The following ARHGAP22 variants were observed in gnomAD, a reference collection of about 807,000 sequenced individuals.
ARHGAP22 encodes Rho GTPase activating protein 22, also known as rho GTPase-activating protein 22.
A neutral mutation model predicts 59.1 loss-of-function variants in ARHGAP22; 48 were observed. That is an observed-to-expected ratio of 0.81 (90% CI 0.64 to 1.03). ARHGAP22 has a LOEUF of 1.03. Among genes scored for constraint, ARHGAP22 ranks in the 50% least tolerant of loss-of-function variants. The pLI, the probability that ARHGAP22 is intolerant of heterozygous loss-of-function variation, is 0.00. For missense variants in ARHGAP22, 1,015 were observed against 958.7 expected, an observed-to-expected ratio of 1.06 and a Z score of -0.78; for synonymous variants, 445 against 416.4, an observed-to-expected ratio of 1.07 and a Z score of -0.84.
intron 2 of ARHGAP22, among the ~76,000 whole-genome samples, chr10:48,565,402 G>A (rs2057986257): frequency 6.6e-6 from 1 of 152,166 alleles, no homozygotes; most frequent in Non-Finnish European, 1.5e-5. Flanking sequence ...GGTCAGACAG[G>A]TCCTCCACCA....
chr10:48,648,227 A>G (rs755188535), intron 1 of ARHGAP22, among the ~76,000 whole-genome samples: 1 of 152,240 alleles, frequency 6.6e-6, no homozygotes, highest in East Asian at 1.9e-4. Context: ...TACATAGAAT[A>G]TGATAATAAC....
At chr10:48,430,436 C>G in the ARHGAP22 span, 2 of 152,112 alleles carry the variant, frequency 1.3e-5, no homozygotes, top group South Asian at 4.2e-4. Context: ...CAAGGCACAT[C>G]GCAGTTAACA....
At position 48,601,607 on chromosome 10, in the gene ARHGAP22, A is replaced by G. The variant is rs147993117; in HGVS notation, c.34+3156T>C. 2.3e-3 allele frequency among the ~76,000 whole-genome samples: 354 copies of G among 151,992 alleles called. 1 individual carries two copies. The highest frequency in any genetic ancestry group is 8.1e-3 in the African/African-American group (337 of 41,448). On this transcript the variant is annotated intron_variant, in intron 1 of 9. Transcript: ENST00000249601. ...TTCCCCCCACCATCCATAAGCACCC[A>G]CTCCACCCTCCCAATTAGTTATATT...
chr10:48,529,974 C>T (rs1053306074), intron 3 of ARHGAP22, among the ~76,000 whole-genome samples: 10 of 152,162 alleles, frequency 6.6e-5, no homozygotes, highest in Non-Finnish European at 1.2e-4. Context: ...CGGTGGCTCA[C>T]GCCTGTAATC....
At chr10:48,449,271 C>G (rs2045659693) in intron 9 of ARHGAP22, among the ~76,000 whole-genome samples, 1 of 152,230 alleles carries the variant, frequency 6.6e-6, no homozygotes, top group South Asian at 2.1e-4. Context: ...ATGGGTCCTT[C>G]CAGCCCTGGC....
intron 1 of ARHGAP22, among the ~76,000 whole-genome samples, chr10:48,636,674 C>G (rs917639703): frequency 1.3e-5 from 2 of 152,188 alleles, no homozygotes; most frequent in Admixed American, 6.5e-5. Flanking sequence ...TGCTGGCAAA[C>G]AGTACCAGCT....
intron 1 of ARHGAP22, among the ~76,000 whole-genome samples, chr10:48,601,108 G>GC (rs1442054173): frequency 1.3e-5 from 2 of 152,174 alleles, no homozygotes; most frequent in Non-Finnish European, 2.9e-5. Flanking sequence ...CACTCTCAGA[G>GC]CCATGAAGGT....
At chr10:48,605,330 A>ACCCCCCCCCCCCCCCCCCCCCCCCCCCC (rs111746464), upstream of ARHGAP22, among the ~76,000 whole-genome samples, 1 of 91,324 alleles carries the variant, frequency 1.1e-5, no homozygotes, top group Non-Finnish European at 2.5e-5. Context: ...GGTAGCCGAG[A>ACCCCCCCCCCCCCCCCCCCCCCCCCCCC]CCCCCCCCCC....
At chr10:48,642,436 C>T (rs1227954692) in intron 1 of ARHGAP22, among the ~76,000 whole-genome samples, 2 of 152,206 alleles carry the variant, frequency 1.3e-5, no homozygotes, top group Non-Finnish European at 2.9e-5. Flanking sequence ...TAACACCACA[C>T]ATCTACAACC....
intron 4 of ARHGAP22, among the ~76,000 whole-genome samples, chr10:48,462,984 G>T (rs1349956918): frequency 1.3e-5 from 2 of 152,210 alleles, no homozygotes; most frequent in Non-Finnish European, 1.5e-5. Context: ...CTAACAGTGG[G>T]CCACACAGGT....
chr10:48,441,580 T>A (rs2045203727), downstream of ARHGAP22, among the ~76,000 whole-genome samples: 1 of 151,890 alleles, frequency 6.6e-6, no homozygotes, highest in East Asian at 1.9e-4. Flanking sequence ...GCCTCCCAAG[T>A]AGCTGGGACT....
chr10:48,457,800 T>G (rs973562045), intron 5 of ARHGAP22, among the ~76,000 whole-genome samples: 1 of 151,992 alleles, frequency 6.6e-6, no homozygotes, highest in African/African-American at 2.4e-5. Flanking sequence ...AGGAGGGGGC[T>G]TCCTGCGGAA....
At chr10:48,569,941 T>C (rs1426174860) in intron 2 of ARHGAP22, among the ~76,000 whole-genome samples, 1 of 152,244 alleles carries the variant, frequency 6.6e-6, no homozygotes, top group Non-Finnish European at 1.5e-5. Flanking sequence ...CAGACATTGC[T>C]GATGCTGTCA....
At chr10:48,508,509 T>C (rs560395502) in intron 3 of ARHGAP22, among the ~76,000 whole-genome samples, 26 of 152,348 alleles carry the variant, frequency 1.7e-4, no homozygotes, top group African/African-American at 5.8e-4. Flanking sequence ...GCCCTTGTCT[T>C]CAGGCATGGG....
intron 1 of ARHGAP22, among the ~76,000 whole-genome samples, chr10:48,597,833 G>A (rs2060158105): frequency 6.6e-6 from 1 of 152,222 alleles, no homozygotes; most frequent in African/African-American, 2.4e-5. Flanking sequence ...TGAGCCATTA[G>A]CTTAGATCAA....
At chr10:48,628,954 C>T (rs1050637513) in intron 1 of ARHGAP22, among the ~76,000 whole-genome samples, 6 of 152,192 alleles carry the variant, frequency 3.9e-5, no homozygotes, top group African/African-American at 1.4e-4. Context: ...CAGTGCACAA[C>T]CCTGACCAAT....
chr10:48,577,813 T>TGG (rs2058836930), intron 2 of ARHGAP22, among the ~76,000 whole-genome samples: 2 of 124,254 alleles, frequency 1.6e-5, no homozygotes, highest in Admixed American at 8.3e-5. Context: ...TTTTTTTTTT[T>TGG]TTTTTTTTTT....
At chr10:48,587,055 C>T (rs766342778) in intron 1 of ARHGAP22, among the ~76,000 whole-genome samples, 8 of 152,178 alleles carry the variant, frequency 5.3e-5, no homozygotes, top group Non-Finnish European at 8.8e-5. Context: ...TCAGCAGCCC[C>T]GTGTGGAGGA....
At chr10:48,489,101 TC>T (rs912918286) in intron 3 of ARHGAP22, among the ~76,000 whole-genome samples, 1 of 152,244 alleles carries the variant, frequency 6.6e-6, no homozygotes, top group Admixed American at 6.5e-5. Context: ...CTTTTTTCTT[TC>T]TTTTCTTTTT....
Sources: allele counts gnomAD v4.1 joint callset (sites outside exome capture counted in the v4.1 genomes callset), GRCh38; gene constraint gnomAD v4.1.1; transcripts MANE v1.5; gene names NCBI Gene and HGNC (gene_info 2026-07-23, HGNC 2026-07-21).